The following CARF variants were observed in gnomAD, a reference collection of about 807,000 sequenced individuals.
CARF encodes the protein calcium-responsive transcription factor.
A neutral mutation model predicts 82.0 loss-of-function variants in CARF; 57 were observed. The ratio of observed to expected loss-of-function variants is 0.70; its 90% CI spans 0.56 to 0.87. The LOEUF (loss-of-function observed/expected upper bound fraction) is 0.87, where lower values mean the gene tolerates loss of function less well. Ranked by LOEUF, CARF falls within the 40% of genes least tolerant of loss-of-function variation. The pLI is 0.00. For synonymous variants in CARF, 268 were observed against 290.1 expected (o/e 0.92, Z 0.77); for missense variants, 771 against 855.8 (o/e 0.90, Z 1.24).
At chr2:202,950,485 G>T (rs1191743226) in intron 5 of CARF, among the ~76,000 whole-genome samples, 2 of 152,018 alleles carry the variant, frequency 1.3e-5, no homozygotes, top group Non-Finnish European at 2.9e-5. Context: ...AAGGGGTAAA[G>T]AATTTAAAAC....
chr2:202,962,533 C>T (rs775359745), intron 9 of CARF: 2 of 151,882 alleles, frequency 1.3e-5, no homozygotes, highest in African/African-American at 2.4e-5. Flanking sequence ...ACTTGAAATC[C>T]TATAGTCTTC....
chr2:202,946,911 C>CA (rs1163210975), intron 5 of CARF, among the ~76,000 whole-genome samples: 1 of 152,168 alleles, frequency 6.6e-6, no homozygotes, highest in Non-Finnish European at 1.5e-5. Flanking sequence ...GAACGCAAAT[C>CA]AAAACCACGA....
rs1478178720 is a variant in CARF, at chr2:202,967,127, C to A, written c.953+29C>A. ...AGCTTTATTTTCTTTTATTTGTTTT[C>A]TATTAAGAACTTATTTTTGAATAGC... is the stretch of plus-strand genomic sequence containing the variant. On this transcript the variant is annotated intron_variant, in intron 10 of 16. Transcript: ENST00000438828. The A allele has an allele frequency of 5.6e-6, 9 of 1,603,536 alleles. No individual in the cohort carries two copies. The African/African-American group carries it at 1.2e-4, about 22-fold the overall frequency.
At chr2:202,929,373 T>G (rs1212973565) in intron 3 of CARF, among the ~76,000 whole-genome samples, 1 of 152,216 alleles carries the variant, frequency 6.6e-6, no homozygotes, top group Non-Finnish European at 1.5e-5. Context: ...TGGTGAGAGC[T>G]AGGGGTCTAC....
At chr2:202,970,787 A>G (rs2059758287) in intron 11 of CARF, among the ~76,000 whole-genome samples, 1 of 152,170 alleles carries the variant, frequency 6.6e-6, no homozygotes, top group South Asian at 2.1e-4. Flanking sequence ...AGTTATTGTA[A>G]TAATTTTATA....
chr2:202,980,545 A>G (rs534934784), intron 14 of CARF, among the ~76,000 whole-genome samples: 1 of 145,096 alleles, frequency 6.9e-6, no homozygotes, highest in Non-Finnish European at 1.5e-5. Context: ...CTTCTAGAGA[A>G]GTTTAGTATA....
intron 5 of CARF, among the ~76,000 whole-genome samples, chr2:202,949,112 G>C (rs776681496): frequency 3.3e-5 from 5 of 152,178 alleles, no homozygotes; most frequent in African/African-American, 9.7e-5. Context: ...GAGGTGGGCA[G>C]ATCACGAGGT....
At chr2:202,977,915 G>A (rs186603716) in intron 14 of CARF, among the ~76,000 whole-genome samples, 22 of 151,958 alleles carry the variant, frequency 1.4e-4, no homozygotes, top group African/African-American at 3.4e-4. Flanking sequence ...GTGCGTTCTC[G>A]GCTCACTGAA....
chr2:202,951,174 G>A (rs2058739082), intron 5 of CARF, among the ~76,000 whole-genome samples: 2 of 152,002 alleles, frequency 1.3e-5, no homozygotes, highest in African/African-American at 4.8e-5. Context: ...AACCCCCAGA[G>A]TAGCTGGTAC....
chr2:202,977,295 T>C lies in CARF; in HGVS notation c.1521T>C (p.Asn507=), dbSNP rs781077321. Residue 507 remains asparagine, a synonymous_variant, in exon 14 of 17, where the codon AAT becomes AAC. Transcript: ENST00000438828. ...TTCAATGGACTACAGACAGTGGGAA[T>C]ATTCTCAAAGAGACCATGACAGTTA... The part of the protein sequence containing the change: ...ATLQWTTDSG[N]ILKETMTVTF... The C allele has an allele frequency of 6.2e-7, 1 of 1,612,786 alleles. No individual in the cohort carries two copies. Among genetic ancestry groups the C allele is most frequent in the South Asian group, 1.1e-5 (1 of 90,792 alleles).
intron 2 of CARF, among the ~76,000 whole-genome samples, chr2:202,923,950 T>C (rs563848686): frequency 1.1e-4 from 16 of 152,328 alleles, no homozygotes; most frequent in Admixed American, 9.8e-4. Flanking sequence ...TGGATCCTCA[T>C]CTCTCACCTT....
intron 2 of CARF, among the ~76,000 whole-genome samples, chr2:202,920,442 A>G (rs1406003778): frequency 6.6e-6 from 1 of 152,240 alleles, no homozygotes; most frequent in Non-Finnish European, 1.5e-5. Context: ...GGCGTAAGCC[A>G]CCGTGCCTGT....
intron 6 of CARF, among the ~76,000 whole-genome samples, chr2:202,953,008 A>G (rs1339458135): frequency 6.6e-6 from 1 of 152,022 alleles, no homozygotes; most frequent in African/African-American, 2.4e-5. Context: ...ATAGCTTCAG[A>G]AGTTTTTATT....
At chr2:202,949,611 C>A (rs1439398943) in intron 5 of CARF, among the ~76,000 whole-genome samples, 2 of 149,742 alleles carry the variant, frequency 1.3e-5, no homozygotes. Flanking sequence ...AGTGCAGTTG[C>A]GTGATCTCAG....
chr2:202,937,127 C>G (rs1007181902), intron 3 of CARF, among the ~76,000 whole-genome samples: 3 of 152,114 alleles, frequency 2.0e-5, no homozygotes, highest in African/African-American at 4.8e-5. Context: ...TTTCTGGACT[C>G]TCGATTCTGT....
Position 202,981,620 on chromosome 2 carries a change from C to T in CARF, c.1624C>T (p.Pro542Ser). The T allele has an allele frequency of 6.2e-7, 1 of 1,611,854 alleles. No homozygotes were observed. Among genetic ancestry groups the T allele is most frequent in the Non-Finnish European group, 8.5e-7 (1 of 1,178,532 alleles). Residue 542 changes from proline (P) to serine (S), a missense_variant, in exon 15 of 17, where the codon CCT (proline) becomes TCT (serine). Physicochemically the swap from Pro to Ser is moderately conservative, Grantham distance 74. Transcript: ENST00000438828. ...ETNQTRGSLS[P>S]EPTHLLSSLS... is the part of the protein sequence containing the mutation. The stretch of plus-strand genomic sequence containing the variant: ...AAATCAGACCAGGGGTTCTTTGTCT[C>T]CTGAGCCAACCCACTTGCTCTCCTC...
intron 3 of CARF, among the ~76,000 whole-genome samples, chr2:202,936,184 A>T (rs1270794334): frequency 6.6e-6 from 1 of 152,144 alleles, no homozygotes; most frequent in Admixed American, 6.6e-5. Context: ...AAATTCCTTA[A>T]TATCAAATAT....
chr2:202,939,414 T>G (rs1309516078), intron 3 of CARF, among the ~76,000 whole-genome samples: 1 of 152,190 alleles, frequency 6.6e-6, no homozygotes, highest in African/African-American at 2.4e-5. Flanking sequence ...CTTAAGGTAT[T>G]TTCAATGCAC....
intron 8 of CARF, among the ~76,000 whole-genome samples, chr2:202,957,670 T>C (rs2059114880): frequency 6.6e-6 from 1 of 152,112 alleles, no homozygotes; most frequent in South Asian, 2.1e-4. Flanking sequence ...ATTTACTAGC[T>C]TAGGCCGGGT....
Sources: allele counts gnomAD v4.1 joint callset (sites outside exome capture counted in the v4.1 genomes callset), GRCh38; gene constraint gnomAD v4.1.1; transcripts MANE v1.5; gene names NCBI Gene and HGNC (gene_info 2026-07-23, HGNC 2026-07-21).